Variants in WDPCP observed in about 807,000 individuals in gnomAD.
WDPCP encodes the protein WD repeat-containing and planar cell polarity effector protein fritz homolog.
A neutral mutation model predicts 93.1 loss-of-function variants in WDPCP; 71 were observed. That is an observed-to-expected ratio of 0.76 (90% CI 0.63 to 0.93). The LOEUF (loss-of-function observed/expected upper bound fraction) is 0.93. Ranked by LOEUF, WDPCP falls within the 40% of genes least tolerant of loss-of-function variation. WDPCP has a pLI of 0.00. For synonymous variants in WDPCP, 315 were observed against 315.0 expected, an observed-to-expected ratio of 1.00 and a Z score of 0.00; for missense variants, 844 against 887.4, an observed-to-expected ratio of 0.95 and a Z score of 0.62.
At chr2:63,374,052 ATTT>A (rs55949475) in intron 12 of WDPCP, among the ~76,000 whole-genome samples, 9 of 135,922 alleles carry the variant, frequency 6.6e-5, no homozygotes, top group Admixed American at 1.5e-4. Context: ...CAAGTTTATG[ATTT>A]TTTTTTTTTT....
chr2:63,727,367 G>C (rs1281779484), intron 2 of WDPCP, among the ~76,000 whole-genome samples: 1 of 152,076 alleles, frequency 6.6e-6, no homozygotes, highest in African/African-American at 2.4e-5. Flanking sequence ...TGCATGTGTT[G>C]AAACAACCTT....
At chr2:63,541,100 A>T (rs1008262260) in intron 1 of WDPCP, among the ~76,000 whole-genome samples, 2 of 151,830 alleles carry the variant, frequency 1.3e-5, no homozygotes, top group Non-Finnish European at 2.9e-5. Context: ...CAGACTCTTG[A>T]GTGGCTGGGA....
chr2:63,424,677 G>C (rs1696131227), intron 9 of WDPCP, among the ~76,000 whole-genome samples: 1 of 152,206 alleles, frequency 6.6e-6, no homozygotes, highest in Non-Finnish European at 1.5e-5. Flanking sequence ...GCATGTAAGC[G>C]GGGGAAGAGC....
At chr2:63,253,716 T>A (rs1680919109) in intron 14 of WDPCP, among the ~76,000 whole-genome samples, 2 of 152,156 alleles carry the variant, frequency 1.3e-5, no homozygotes, top group Non-Finnish European at 2.9e-5. Context: ...AGAATGGCTT[T>A]TGTTAAAAAG....
intron 17 of WDPCP, among the ~76,000 whole-genome samples, chr2:63,137,441 T>C (rs1430120855): frequency 6.6e-6 from 1 of 152,192 alleles, no homozygotes; most frequent in Non-Finnish European, 1.5e-5. Flanking sequence ...AAGTTCCTTA[T>C]AGATGTTGGA....
intron 2 of WDPCP, among the ~76,000 whole-genome samples, chr2:63,754,024 G>C (rs907309670): frequency 1.3e-5 from 2 of 152,214 alleles, no homozygotes; most frequent in Non-Finnish European, 2.9e-5. Context: ...TGCCAAGCAA[G>C]GATCTGGTCT....
intron 15 of WDPCP, among the ~76,000 whole-genome samples, chr2:63,170,368 G>A (rs1002914729): frequency 6.6e-6 from 1 of 151,338 alleles, no homozygotes; most frequent in Non-Finnish European, 1.5e-5. Context: ...CGCCTCCTGG[G>A]TTCAAGCAAT....
At position 63,381,969 on chromosome 2, in the gene WDPCP, A is replaced by G; in HGVS notation, c.1561T>C (p.Phe521Leu). The change falls in exon 11 of 18, where the codon TTT becomes CTT. Residue 521 changes from phenylalanine to leucine, a missense_variant. Coordinates refer to ENST00000272321, the MANE Select transcript of WDPCP (RefSeq NM_015910.7). Reference sequence around the variant, plus strand: ...TTTACAATGGCGCTCATGCTGATAAAGCACTGGTGGCCCAGAGTGTCCCAG... The same window carrying G: ...TTTACAATGGCGCTCATGCTGATAAGGCACTGGTGGCCCAGAGTGTCCCAG... Reference protein sequence around the residue: ...MNWDTLGHQCFISMSAIVNHL... With the variant: ...MNWDTLGHQCLISMSAIVNHL... The G allele has an allele frequency of 6.2e-7, 1 of 1,613,564 alleles. No individual in the cohort carries two copies. The highest frequency in any genetic ancestry group is 1.3e-5 in the African/African-American group (1 of 75,016).
chr2:63,348,703 T>C (rs1040509743), intron 12 of WDPCP, among the ~76,000 whole-genome samples: 4 of 152,096 alleles, frequency 2.6e-5, no homozygotes, highest in Admixed American at 1.3e-4. Flanking sequence ...AATAATTCCA[T>C]GACAGTAAAT....
intron 6 of WDPCP, chr2:63,441,529 G>C (rs1697502799): frequency 6.6e-6 from 1 of 151,766 alleles, no homozygotes. Context: ...ATGGATGTTG[G>C]CTTGGCCACA....
At chr2:63,168,107 C>CAAAA (rs957507138) in intron 15 of WDPCP, among the ~76,000 whole-genome samples, 86 of 53,406 alleles carry the variant, frequency 1.6e-3, no homozygotes, top group Non-Finnish European at 2.7e-3. Context: ...GAGACCCTGC[C>CAAAA]AAAAAAAAAA....
At chr2:63,703,778 T>C (rs546510820) in intron 2 of WDPCP, among the ~76,000 whole-genome samples, 1 of 152,208 alleles carries the variant, frequency 6.6e-6, no homozygotes, top group Non-Finnish European at 1.5e-5. Context: ...GACTTGGCAA[T>C]GTGGACTCTT....
At chr2:63,680,976 T>C (rs1382611086) in intron 2 of WDPCP, among the ~76,000 whole-genome samples, 5 of 152,080 alleles carry the variant, frequency 3.3e-5, no homozygotes, top group African/African-American at 4.8e-5. Flanking sequence ...AGGAAGGACC[T>C]AGTCCTGGCA....
intron 9 of WDPCP, among the ~76,000 whole-genome samples, chr2:63,407,398 C>G (rs921762957): frequency 2.0e-5 from 3 of 152,152 alleles, no homozygotes; most frequent in African/African-American, 7.2e-5. Flanking sequence ...GATTTTTTCT[C>G]TAAATCAGAT....
At chr2:63,389,774 C>A (rs902700518) in intron 10 of WDPCP, among the ~76,000 whole-genome samples, 28 of 152,118 alleles carry the variant, frequency 1.8e-4, no homozygotes, top group Admixed American at 1.6e-3. Flanking sequence ...GACTTTAAAC[C>A]AACAAAGATC....
chr2:63,594,941 T>C (rs1015506252), intron 3 of WDPCP: 1 of 253,492 alleles, frequency 3.9e-6, no homozygotes, highest in African/African-American at 2.3e-5. Context: ...ACCAAAAGAG[T>C]AAGGAAATCT....
chr2:63,248,565 T>A (rs1276656581), intron 14 of WDPCP, among the ~76,000 whole-genome samples: 1 of 152,186 alleles, frequency 6.6e-6, no homozygotes, highest in Admixed American at 6.5e-5. Flanking sequence ...ATCCATGTAT[T>A]TCCTAAAATT....
chr2:63,627,246 T>A (rs1709819779), intron 3 of WDPCP, among the ~76,000 whole-genome samples: 1 of 152,238 alleles, frequency 6.6e-6, no homozygotes, highest in Non-Finnish European at 1.5e-5. Flanking sequence ...TGTCATGATC[T>A]GGAGTTATAA....
intron 14 of WDPCP, chr2:63,228,532 T>C (rs557964093): frequency 3.9e-5 from 6 of 152,078 alleles, no homozygotes; most frequent in Admixed American, 6.6e-5. Context: ...GCTGCACCCA[T>C]TAACTCGTCA....
Sources: allele counts gnomAD v4.1 joint callset (sites outside exome capture counted in the v4.1 genomes callset), GRCh38; gene constraint gnomAD v4.1.1; transcripts MANE v1.5; gene names NCBI Gene and HGNC (gene_info 2026-07-23, HGNC 2026-07-21).